NFIA: variants seen among roughly 807,000 people sequenced by gnomAD.
NFIA encodes nuclear factor I A.
A neutral mutation model predicts 62.8 loss-of-function variants in NFIA; 8 were observed. The observed-to-expected ratio is 0.13, with a 90% confidence interval of 0.07 to 0.23. The LOEUF is 0.23. NFIA is among the 10% of genes least tolerant of loss of function. NFIA has a pLI of 1.00. For synonymous variants in NFIA, 235 were observed against 238.1 expected, an observed-to-expected ratio of 0.99 and a Z score of 0.12; for missense variants, 410 against 642.1, an observed-to-expected ratio of 0.64 and a Z score of 3.91.
rs147149947 is a variant in NFIA, at chr1:61,333,629, A to G, written c.700+1043A>G. Among the ~76,000 whole-genome samples the G allele has an allele frequency of 3.9e-5, 6 of 152,338 alleles. No individual in the cohort carries two copies. In the East Asian group the frequency reaches 1.2e-3, roughly 29 times the overall value. ...GGTACATAAGTTAATCCTTGCAATA[A>G]GCTTTTCAGACAAGAAATTACCCCA... On this transcript the variant is annotated intron_variant, in intron 4 of 10. Transcript: ENST00000403491.
intron 4 of NFIA, among the ~76,000 whole-genome samples, chr1:61,337,789 T>C (rs1261123018): frequency 1.3e-5 from 2 of 152,312 alleles, no homozygotes; most frequent in South Asian, 2.1e-4. Flanking sequence ...CTTAGATAGC[T>C]CTCTCTGTCA....
At chr1:61,275,164 C>G (rs541392837) in intron 2 of NFIA, among the ~76,000 whole-genome samples, 1 of 152,160 alleles carries the variant, frequency 6.6e-6, no homozygotes, top group African/African-American at 2.4e-5. Flanking sequence ...CACGAGAATG[C>G]GGCGGCCCCT....
chr1:61,194,470 T>C (rs1361611891), intron 2 of NFIA, among the ~76,000 whole-genome samples: 2 of 152,210 alleles, frequency 1.3e-5, no homozygotes. Context: ...AGTTGGAACG[T>C]TTCTCCTTCC....
chr1:61,441,292 G>GGGGT (rs1265393029), intron 10 of NFIA, among the ~76,000 whole-genome samples: 74 of 139,464 alleles, frequency 5.3e-4, no homozygotes, highest in Admixed American at 2.5e-3. Context: ...GCCGTGCAGG[G>GGGGT]GTGTGTGTGT....
chr1:61,333,788 A>G (rs140157042), intron 4 of NFIA, among the ~76,000 whole-genome samples: 2,187 of 152,292 alleles, frequency 0.014, 20 homozygotes, highest in Non-Finnish European at 0.023. Context: ...ACTTGAGGTC[A>G]GGAGTTTGAG....
chr1:61,132,647 A>G (rs751864187), intron 2 of NFIA: 2 of 152,212 alleles, frequency 1.3e-5, no homozygotes, highest in African/African-American at 2.4e-5. Flanking sequence ...GAGAAAAGGG[A>G]TGGAAGAAGA....
chr1:61,319,653 G>A (rs768618906), intron 3 of NFIA, among the ~76,000 whole-genome samples: 8 of 152,052 alleles, frequency 5.3e-5, no homozygotes, highest in Non-Finnish European at 1.2e-4. Context: ...AAGATATTTT[G>A]TCTACAAAAA....
intron 2 of NFIA, among the ~76,000 whole-genome samples, chr1:61,207,568 G>C (rs1652979250): frequency 6.6e-6 from 1 of 152,206 alleles, no homozygotes; most frequent in African/African-American, 2.4e-5. Flanking sequence ...ATAGTCCAGA[G>C]TGTGTGAGCA....
chr1:61,117,868 C>T (rs1646818300), intron 2 of NFIA, among the ~76,000 whole-genome samples: 1 of 152,076 alleles, frequency 6.6e-6, no homozygotes, highest in Non-Finnish European at 1.5e-5. Flanking sequence ...AGTTGCTTTC[C>T]AGTGGGGCAC....
At chr1:61,245,750 C>T (rs1433409514) in intron 2 of NFIA, among the ~76,000 whole-genome samples, 6 of 151,966 alleles carry the variant, frequency 3.9e-5, no homozygotes, top group Admixed American at 6.5e-5. Flanking sequence ...GTATCTACTT[C>T]ATGGTTTTCA....
At chr1:61,309,129 A>G (rs1659955655) in intron 3 of NFIA, among the ~76,000 whole-genome samples, 1 of 152,148 alleles carries the variant, frequency 6.6e-6, no homozygotes, top group South Asian at 2.1e-4. Context: ...TTTTCCTTAC[A>G]AAGCCTTTCC....
intron 2 of NFIA, among the ~76,000 whole-genome samples, chr1:61,266,289 A>G (rs2100251964): frequency 6.6e-6 from 1 of 152,148 alleles, no homozygotes. Flanking sequence ...AACACCCCAA[A>G]CACCTATTGA....
intron 3 of NFIA, among the ~76,000 whole-genome samples, chr1:61,315,101 A>G (rs985311135): frequency 6.6e-6 from 1 of 152,202 alleles, no homozygotes; most frequent in Admixed American, 6.5e-5. Context: ...GAACATCAGA[A>G]ATTAGCCATT....
intron 2 of NFIA, among the ~76,000 whole-genome samples, chr1:61,233,474 G>A (rs1365331930): frequency 1.3e-5 from 2 of 152,196 alleles, no homozygotes; most frequent in African/African-American, 4.8e-5. Context: ...CATGCTGCAG[G>A]TATTTGAGGA....
At chr1:61,225,712 A>G (rs1447965809) in intron 2 of NFIA, among the ~76,000 whole-genome samples, 2 of 152,078 alleles carry the variant, frequency 1.3e-5, no homozygotes, top group East Asian at 1.9e-4. Flanking sequence ...ATCGCAATAT[A>G]TATGTTTGCA....
At chr1:61,162,666 A>C (rs996429236) in intron 2 of NFIA, among the ~76,000 whole-genome samples, 2 of 152,082 alleles carry the variant, frequency 1.3e-5, no homozygotes, top group African/African-American at 4.8e-5. Context: ...GGAAAACAGT[A>C]CTCTGAATCA....
intron 7 of NFIA, among the ~76,000 whole-genome samples, chr1:61,385,339 G>C (rs528664736): frequency 3.9e-5 from 6 of 152,316 alleles, no homozygotes; most frequent in Middle Eastern, 3.4e-3. Flanking sequence ...GATTTGTGGT[G>C]TAGTAAGTTA....
intron 9 of NFIA, among the ~76,000 whole-genome samples, chr1:61,426,236 A>G (rs1273900852): frequency 6.6e-6 from 1 of 152,178 alleles, no homozygotes; most frequent in African/African-American, 2.4e-5. Flanking sequence ...AGCTCGTCTG[A>G]GCATTAGTTT....
intron 10 of NFIA, among the ~76,000 whole-genome samples, chr1:61,453,573 T>A (rs932055779): frequency 1.3e-5 from 2 of 150,232 alleles, no homozygotes; most frequent in African/African-American, 4.9e-5. Context: ...GCTGACTCAC[T>A]GGGTGCCAGG....
Sources: gnomAD v4.1 joint callset for allele counts (sites outside exome capture counted in the v4.1 genomes callset) on GRCh38, gnomAD v4.1.1 for gene constraint, MANE v1.5 for transcripts, NCBI Gene and HGNC (gene_info 2026-07-23, HGNC 2026-07-21) for gene names.